FBXL7: variants seen among roughly 807,000 people sequenced by gnomAD.
FBXL7 encodes F-box and leucine rich repeat protein 7, also known as F-box/LRR-repeat protein 7.
In FBXL7, 12 loss-of-function variants were observed where a neutral mutation model predicts 38.3. That is an observed-to-expected ratio of 0.31 (90% CI 0.20 to 0.51). The LOEUF is 0.51. Among genes scored for constraint, FBXL7 ranks in the 20% least tolerant of loss-of-function variants. The probability of loss-of-function intolerance (pLI) is 0.98; values close to 1 mark genes in which losing one functional copy is unlikely to be tolerated. For missense variants in FBXL7, 567 were observed against 676.4 expected, an observed-to-expected ratio of 0.84 and a Z score of 1.79; for synonymous variants, 297 against 300.9, an observed-to-expected ratio of 0.99 and a Z score of 0.13.
At chr5:15,533,125 C>T (rs1737476785) in intron 1 of FBXL7, among the ~76,000 whole-genome samples, 1 of 151,980 alleles carries the variant, frequency 6.6e-6, no homozygotes, top group East Asian at 1.9e-4. Context: ...GAAATCTGGG[C>T]CAGAGAGGTT....
At chr5:15,814,449 A>G (rs1189204059) in intron 2 of FBXL7, among the ~76,000 whole-genome samples, 1 of 152,096 alleles carries the variant, frequency 6.6e-6, no homozygotes, top group Non-Finnish European at 1.5e-5. Flanking sequence ...TAGGGGAGGG[A>G]TAGCATTAGG....
chr5:15,831,733 G>T (rs934563696), intron 2 of FBXL7, among the ~76,000 whole-genome samples: 3 of 152,176 alleles, frequency 2.0e-5, no homozygotes, highest in African/African-American at 7.2e-5. Flanking sequence ...TCAGAAAGTG[G>T]TGTAAATTCT....
At chr5:15,685,604 A>C (rs1218777514) in intron 2 of FBXL7, among the ~76,000 whole-genome samples, 1 of 152,230 alleles carries the variant, frequency 6.6e-6, no homozygotes, top group Non-Finnish European at 1.5e-5. Context: ...GGGAGGCTGC[A>C]GAGAAAAGTG....
At chr5:15,511,435 A>G (rs1018881854) in intron 1 of FBXL7, among the ~76,000 whole-genome samples, 7 of 152,220 alleles carry the variant, frequency 4.6e-5, no homozygotes, top group Non-Finnish European at 1.0e-4. Flanking sequence ...CACAAGCAAA[A>G]GCTCATGGAG....
At position 15,634,544 on chromosome 5, in the gene FBXL7, C is replaced by G. The variant is rs191888371; in HGVS notation, c.127+18472C>G. On this transcript the variant is annotated intron_variant, in intron 2 of 3. Transcript: ENST00000504595. ...ACCCTAGGGCCAGGCTGGTGTCGAACTCCTGACCTCAAGTGATCTGCCCAC... is the reference window on the plus strand; with the variant it reads ...ACCCTAGGGCCAGGCTGGTGTCGAAGTCCTGACCTCAAGTGATCTGCCCAC... 7.9e-5 allele frequency among the ~76,000 whole-genome samples: 12 copies of G among 151,782 alleles called. No homozygotes were observed. In the East Asian group the frequency reaches 2.3e-3, roughly 30 times the overall value.
At chr5:15,621,298 T>G (rs2126527596) in intron 2 of FBXL7, among the ~76,000 whole-genome samples, 1 of 152,296 alleles carries the variant, frequency 6.6e-6, no homozygotes, top group Non-Finnish European at 1.5e-5. Context: ...GGGGGTTGGG[T>G]TCCAGTGTAG....
At chr5:15,883,175 A>T (rs922392053) in intron 2 of FBXL7, among the ~76,000 whole-genome samples, 1 of 152,214 alleles carries the variant, frequency 6.6e-6, no homozygotes, top group Admixed American at 6.5e-5. Context: ...TATAAGGATT[A>T]TGTTTAACCT....
intron 2 of FBXL7, among the ~76,000 whole-genome samples, chr5:15,912,528 T>A (rs1194901751): frequency 6.7e-6 from 1 of 149,724 alleles, no homozygotes; most frequent in Non-Finnish European, 1.5e-5. Context: ...GCTGTTCCTA[T>A]TTGGCCATCT....
intron 1 of FBXL7, among the ~76,000 whole-genome samples, chr5:15,602,590 C>G (rs1277527557): frequency 6.6e-6 from 1 of 151,838 alleles, no homozygotes; most frequent in Non-Finnish European, 1.5e-5. Flanking sequence ...TCTAATCAAC[C>G]TAAATATTTT....
intron 2 of FBXL7, among the ~76,000 whole-genome samples, chr5:15,638,440 C>G (rs1741256001): frequency 6.6e-6 from 1 of 152,198 alleles, no homozygotes; most frequent in African/African-American, 2.4e-5. Flanking sequence ...GACACAAAAT[C>G]CCGGCTCCAC....
At chr5:15,735,328 C>T (rs143195529) in intron 2 of FBXL7, among the ~76,000 whole-genome samples, 678 of 152,204 alleles carry the variant, frequency 4.5e-3, no homozygotes, top group Middle Eastern at 0.024. Flanking sequence ...GTGGAGAGAC[C>T]ATTTCAGAGG....
chr5:15,852,687 A>G (rs1369234431), intron 2 of FBXL7, among the ~76,000 whole-genome samples: 2 of 152,046 alleles, frequency 1.3e-5, no homozygotes, highest in Admixed American at 1.3e-4. Flanking sequence ...TCCCCTGGAA[A>G]AAAAAAAAAC....
chr5:15,644,485 G>A (rs1176020994), intron 2 of FBXL7, among the ~76,000 whole-genome samples: 3 of 151,750 alleles, frequency 2.0e-5, no homozygotes, highest in Admixed American at 2.0e-4. Context: ...CAAAAAAAAT[G>A]GTAATGACTT....
intron 1 of FBXL7, among the ~76,000 whole-genome samples, chr5:15,562,506 G>A (rs1270269265): frequency 6.6e-6 from 1 of 152,064 alleles, no homozygotes; most frequent in African/African-American, 2.4e-5. Context: ...ATATGAAAAG[G>A]TGCTCAATAT....
intron 2 of FBXL7, among the ~76,000 whole-genome samples, chr5:15,780,486 T>C (rs1419783074): frequency 6.6e-6 from 1 of 152,170 alleles, no homozygotes; most frequent in African/African-American, 2.4e-5. Flanking sequence ...AAACAATTTG[T>C]TAGGTAAATT....
At chr5:15,627,112 TAAAC>T (rs1282695304) in intron 2 of FBXL7, among the ~76,000 whole-genome samples, 2 of 152,200 alleles carry the variant, frequency 1.3e-5, no homozygotes, top group Non-Finnish European at 2.9e-5. Context: ...CCAACTGTCT[TAAAC>T]AAACTGTCAT....
At chr5:15,632,120 C>A (rs775601766) in intron 2 of FBXL7, among the ~76,000 whole-genome samples, 3 of 152,068 alleles carry the variant, frequency 2.0e-5, no homozygotes, top group Non-Finnish European at 2.9e-5. Flanking sequence ...GGTTTCTTTT[C>A]TATTACTAGA....
intron 2 of FBXL7, among the ~76,000 whole-genome samples, chr5:15,648,895 CTTTTT>C (rs5866155): frequency 7.0e-6 from 1 of 143,546 alleles, no homozygotes; most frequent in African/African-American, 2.6e-5. Flanking sequence ...TCAATTTCAA[CTTTTT>C]TTTTTTTTTT....
At chr5:15,613,789 G>T (rs1016099344) in intron 1 of FBXL7, among the ~76,000 whole-genome samples, 2 of 151,982 alleles carry the variant, frequency 1.3e-5, no homozygotes, top group South Asian at 4.2e-4. Flanking sequence ...TAGTCCATTC[G>T]GGCTGTTATA....
Sources: allele counts gnomAD v4.1 joint callset (sites outside exome capture counted in the v4.1 genomes callset), GRCh38; gene constraint gnomAD v4.1.1; transcripts MANE v1.5; gene names NCBI Gene and HGNC (gene_info 2026-07-23, HGNC 2026-07-21).